Variants in BMP3 observed in about 807,000 individuals in gnomAD.
BMP3 encodes the protein bone morphogenetic protein 3 (osteogenic).
Under a neutral mutation model 38.1 loss-of-function variants are expected in BMP3, and 23 were observed. The ratio of observed to expected loss-of-function variants is 0.60; its 90% confidence interval spans 0.43 to 0.86. The LOEUF (loss-of-function observed/expected upper bound fraction) is 0.86, where lower values mean the gene tolerates loss of function less well. Among genes scored for constraint, BMP3 ranks in the 40% least tolerant of loss-of-function variants. The pLI is 0.00. For missense variants in BMP3, 628 were observed against 579.6 expected (o/e 1.08, Z -0.86); for synonymous variants, 258 against 225.7 (o/e 1.14, Z -1.28).
intron 1 of BMP3, among the ~76,000 whole-genome samples, chr4:81,034,667 A>T (rs1355601381): frequency 5.3e-5 from 8 of 152,172 alleles, no homozygotes; most frequent in Non-Finnish European, 1.2e-4. Context: ...ATCACCTTTT[A>T]AAAAATCTCA....
At chr4:81,044,002 A>T (rs1481715901) in intron 1 of BMP3, among the ~76,000 whole-genome samples, 1 of 152,212 alleles carries the variant, frequency 6.6e-6, no homozygotes, top group Non-Finnish European at 1.5e-5. Flanking sequence ...CAGACACTTT[A>T]TGGACTGCTT....
Position 81,053,307 on chromosome 4 carries a change from A to G in BMP3, c.1228-38A>G, listed in dbSNP as rs998146797. 1.0e-5 allele frequency: 15 copies of G among 1,449,148 alleles called. No homozygotes were observed. In the East Asian group the frequency reaches 3.3e-4, roughly 32 times the overall value. 89.8% of individuals were successfully genotyped at this position (1,449,148 alleles called of 1,614,324 possible). On this transcript the variant is annotated intron_variant, in intron 2 of 2. Transcript: ENST00000282701. The stretch of plus-strand genomic sequence containing the variant: ...GACTGAGGAGTGGAAACGCAGTTCC[A>G]CCTAACATATGTGTTCTTCTTTCAT...
intron 1 of BMP3, among the ~76,000 whole-genome samples, chr4:81,042,894 C>G (rs939563053): frequency 6.6e-6 from 1 of 152,156 alleles, no homozygotes; most frequent in Admixed American, 6.5e-5. Flanking sequence ...AATTAAGGCT[C>G]AAGTCTCTGA....
Position 81,053,796 on chromosome 4 carries a change from A to G in BMP3, c.*260A>G, listed in dbSNP as rs897159518. On this transcript the variant is annotated 3_prime_UTR_variant, in exon 3 of 3. Transcript: ENST00000282701. ...TCTCTTTTTGTAATCAAACACAACA[A>G]CTTATCAAACTGTTTTTAGAACTGT... 1.2e-5 allele frequency: 3 copies of G among 245,350 alleles called. No individual in the cohort carries two copies. Among genetic ancestry groups the G allele is most frequent in the Admixed American group, 5.6e-5 (1 of 17,892 alleles). 15.2% of individuals were successfully genotyped at this position (245,350 alleles called of 1,614,324 possible).
intron 2 of BMP3, among the ~76,000 whole-genome samples, chr4:81,052,686 C>T (rs936244061): frequency 3.3e-5 from 5 of 152,008 alleles, no homozygotes; most frequent in Non-Finnish European, 7.4e-5. Context: ...GGTCTTCTTA[C>T]CCCCCAGTTT....
intron 2 of BMP3, among the ~76,000 whole-genome samples, chr4:81,050,200 C>A (rs1740369049): frequency 1.3e-5 from 2 of 152,182 alleles, no homozygotes; most frequent in African/African-American, 4.8e-5. Flanking sequence ...CATGCTCTCC[C>A]CTGCTAATGC....
intron 1 of BMP3, among the ~76,000 whole-genome samples, chr4:81,032,205 A>AAAAAAAC (rs1739794734): frequency 7.4e-6 from 1 of 135,100 alleles, no homozygotes; most frequent in African/African-American, 3.4e-5. Flanking sequence ...AAAAAAAAAA[A>AAAAAAAC]AAAAAAAAAA....
At chr4:81,050,163 T>C (rs187951884) in intron 2 of BMP3, among the ~76,000 whole-genome samples, 222 of 152,298 alleles carry the variant, frequency 1.5e-3, no homozygotes, top group Non-Finnish European at 1.8e-3. Flanking sequence ...ATGGCCCAGG[T>C]CAGGAATGAA....
intron 2 of BMP3, among the ~76,000 whole-genome samples, chr4:81,051,994 CTTTT>C (rs905357310): frequency 1.3e-5 from 2 of 150,886 alleles, no homozygotes; most frequent in African/African-American, 4.9e-5. Flanking sequence ...AAAAATAATC[CTTTT>C]TTTCTTTTTT....
At chr4:81,052,605 C>CTCT (rs1740424653) in intron 2 of BMP3, among the ~76,000 whole-genome samples, 1 of 152,104 alleles carries the variant, frequency 6.6e-6, no homozygotes, top group South Asian at 2.1e-4. Context: ...ACGTGGCCCA[C>CTCT]TCTTAGAACA....
chr4:81,049,919 G>A (rs968071351), intron 2 of BMP3, among the ~76,000 whole-genome samples: 1 of 152,152 alleles, frequency 6.6e-6, no homozygotes, highest in Non-Finnish European at 1.5e-5. Context: ...GTTCCCCCAG[G>A]CTAGACTGCT....
intron 1 of BMP3, among the ~76,000 whole-genome samples, chr4:81,031,836 C>T (rs919807932): frequency 2.6e-5 from 4 of 152,044 alleles, no homozygotes; most frequent in African/African-American, 9.7e-5. Context: ...AATGAAGGCG[C>T]GGAGCAGTGG....
intron 1 of BMP3, among the ~76,000 whole-genome samples, chr4:81,038,462 T>C (rs1024807692): frequency 6.6e-6 from 1 of 152,156 alleles, no homozygotes; most frequent in African/African-American, 2.4e-5. Flanking sequence ...GAGTTACATA[T>C]TCAGGAGAAA....
intron 2 of BMP3, among the ~76,000 whole-genome samples, chr4:81,051,146 T>G (rs956849566): frequency 3.9e-5 from 6 of 152,178 alleles, no homozygotes; most frequent in African/African-American, 1.4e-4. Flanking sequence ...ACTCATAGTT[T>G]CTGAATCTAT....
intron 2 of BMP3, among the ~76,000 whole-genome samples, chr4:81,053,056 TAA>T (rs959384719): frequency 1.3e-5 from 2 of 152,292 alleles, no homozygotes; most frequent in Admixed American, 6.5e-5. Flanking sequence ...TGAACTTAGA[TAA>T]GTCGTTTAAG....
In BMP3 at chr4:81,054,751, A is replaced by G. The variant is rs1232546146; in HGVS notation, c.*1215A>G. On this transcript the variant is annotated 3_prime_UTR_variant, in exon 3 of 3. Transcript: ENST00000282701. ...TGCTTTCCATTTCTATGTGTCACAT[A>G]CATATATGTGTCCTCTTATAACTTT... 2 of 152,210 alleles carry G rather than the reference A, an allele frequency of 1.3e-5. No individual in the cohort carries two copies. The highest frequency in any genetic ancestry group is 4.8e-5 in the African/African-American group (2 of 41,458). 9.4% of individuals were successfully genotyped at this position (152,210 alleles called of 1,614,324 possible).
rs1265077101 is a variant in BMP3, at chr4:81,031,300, A to C, written c.16A>C (p.Arg6=). The change falls in exon 1 of 3, where the codon AGG becomes CGG. Residue 6 remains arginine, a synonymous_variant. Transcript: ENST00000282701. ...GTACCTAGCCATGGCTGGGGCGAGCAGGCTGCTCTTTCTGTGGCTGGGCTG... is the reference window on the plus strand; with the variant it reads ...GTACCTAGCCATGGCTGGGGCGAGCCGGCTGCTCTTTCTGTGGCTGGGCTG... The part of the protein sequence containing the change: MAGAS[R]LLFLWLGCFC... The C allele has an allele frequency of 6.2e-7, 1 of 1,606,768 alleles. No homozygotes were observed. The highest frequency in any genetic ancestry group is 2.2e-5 in the East Asian group (1 of 44,626).
rs1740537848 is a variant in BMP3 at position 81,055,763 on chromosome 4, C to T, written c.*2227C>T. 1 of 152,098 alleles carries T rather than the reference C, an allele frequency of 6.6e-6. No homozygotes were observed. Among genetic ancestry groups the T allele is most frequent in the Non-Finnish European group, 1.5e-5 (1 of 68,016 alleles). The allele number at this position is 152,098 out of a possible 1,614,324, so 9.4% of individuals were successfully genotyped here. A position where few individuals can be genotyped will look rare whatever the true frequency, so the allele number is the denominator to read the frequency against. On this transcript the variant is annotated 3_prime_UTR_variant, in exon 3 of 3. Transcript: ENST00000282701. ...ATCAATGCCTAGTTATTACAGATTG[C>T]ACCCCACAATGGCCAAAAACCCACT...
chr4:81,031,628 C>T (rs1332611454), intron 1 of BMP3, 28 bp downstream of exon 1: 2 of 1,528,924 alleles, frequency 1.3e-6, no homozygotes, highest in South Asian at 2.5e-5. Context: ...GACTCCCTTC[C>T]CGCGGTCCCG....
Sources: gnomAD v4.1 joint callset for allele counts (sites outside exome capture counted in the v4.1 genomes callset) on GRCh38, gnomAD v4.1.1 for gene constraint, MANE v1.5 for transcripts, NCBI Gene and HGNC (gene_info 2026-07-23, HGNC 2026-07-21) for gene names.